RBFOX1: variants seen among roughly 807,000 people sequenced by gnomAD.
RBFOX1 encodes RNA binding protein fox-1 homolog 1.
Under a neutral mutation model 57.7 loss-of-function variants are expected in RBFOX1, and 8 were observed. That is an observed-to-expected ratio of 0.14 (90% CI 0.08 to 0.25). The LOEUF (loss-of-function observed/expected upper bound fraction) is 0.25. RBFOX1 is among the 10% of genes least tolerant of loss of function. RBFOX1 has a pLI of 1.00. For missense variants in RBFOX1, 611 were observed against 548.5 expected (o/e 1.11, Z -1.14); for synonymous variants, 326 against 222.4 (o/e 1.47, Z -4.15).
At chr16:5,558,223 G>A (rs1262942586) in intron 2 of RBFOX1, among the ~76,000 whole-genome samples, 5 of 152,172 alleles carry the variant, frequency 3.3e-5, no homozygotes, top group East Asian at 1.9e-4. Flanking sequence ...TGATAAGGCC[G>A]AGGGTCTGTT....
chr16:6,570,394 T>G (rs7186724), intron 2 of RBFOX1, among the ~76,000 whole-genome samples: 9 of 152,102 alleles, frequency 5.9e-5, no homozygotes, highest in Admixed American at 5.2e-4. Context: ...GAATTTTTTA[T>G]ATGAAAGATA....
At chr16:7,338,765 G>T (rs1299885180) in intron 4 of RBFOX1, among the ~76,000 whole-genome samples, 6 of 152,174 alleles carry the variant, frequency 3.9e-5, no homozygotes, top group Non-Finnish European at 1.5e-5. Flanking sequence ...CTTATAGAAA[G>T]ATAAAGAAAT....
intron 3 of RBFOX1, among the ~76,000 whole-genome samples, chr16:6,831,887 A>G (rs2092734035): frequency 6.6e-6 from 1 of 152,206 alleles, no homozygotes; most frequent in Admixed American, 6.5e-5. Context: ...AGAAGTAGGA[A>G]AAGCAATGTC....
At chr16:6,769,387 A>C (rs1202307889) in intron 3 of RBFOX1, among the ~76,000 whole-genome samples, 1 of 152,206 alleles carries the variant, frequency 6.6e-6, no homozygotes, top group African/African-American at 2.4e-5. Context: ...CTTTATCAGC[A>C]GCATGAAAAC....
intron 3 of RBFOX1, among the ~76,000 whole-genome samples, chr16:6,794,115 G>A (rs1197470306): frequency 6.6e-6 from 1 of 152,084 alleles, no homozygotes. Context: ...AGCATGGGAT[G>A]AGGTGTACTG....
chr16:5,780,678 C>G (rs1418625277), intron 3 of RBFOX1, among the ~76,000 whole-genome samples: 2 of 152,136 alleles, frequency 1.3e-5, no homozygotes, highest in African/African-American at 2.4e-5. Context: ...ATCCCATTCT[C>G]CAGTCTGACA....
At chr16:6,659,443 C>T (rs191575495) in intron 3 of RBFOX1, among the ~76,000 whole-genome samples, 1 of 152,072 alleles carries the variant, frequency 6.6e-6, no homozygotes, top group African/African-American at 2.4e-5. Context: ...CTGAACTCAT[C>T]TTTTTACAAT....
intron 3 of RBFOX1, among the ~76,000 whole-genome samples, chr16:6,870,718 A>G (rs1270061296): frequency 6.6e-6 from 1 of 152,198 alleles, no homozygotes; most frequent in East Asian, 1.9e-4. Flanking sequence ...AGTAATGTTG[A>G]ATAATTATTT....
intron 3 of RBFOX1, among the ~76,000 whole-genome samples, chr16:6,961,819 A>G (rs1027374859): frequency 1.1e-4 from 16 of 152,108 alleles, no homozygotes; most frequent in African/African-American, 2.2e-4. Context: ...ATTAATGTAT[A>G]ATGAGCAGTG....
At chr16:5,439,596 C>T (rs747820143) in intron 1 of RBFOX1, among the ~76,000 whole-genome samples, 7 of 151,960 alleles carry the variant, frequency 4.6e-5, no homozygotes, top group Non-Finnish European at 1.0e-4. Context: ...GAAAGGACGT[C>T]TCTGAGATTT....
chr16:5,532,478 G>A (rs1459689886), intron 2 of RBFOX1, among the ~76,000 whole-genome samples: 2 of 152,206 alleles, frequency 1.3e-5, no homozygotes. Context: ...ACCCCCTGGT[G>A]AGTCAGATGC....
At chr16:7,159,500 C>A (rs987054733) in intron 4 of RBFOX1, among the ~76,000 whole-genome samples, 1 of 152,190 alleles carries the variant, frequency 6.6e-6, no homozygotes, top group Non-Finnish European at 1.5e-5. Flanking sequence ...TAGTGATAGG[C>A]TGGAAATCAC....
intron 3 of RBFOX1, among the ~76,000 whole-genome samples, chr16:6,937,162 A>AT (rs34050400): frequency 6.6e-5 from 10 of 152,168 alleles, no homozygotes; most frequent in Non-Finnish European, 1.2e-4. Context: ...CAAAAATGAT[A>AT]TTTTTTTCCA....
intron 4 of RBFOX1, among the ~76,000 whole-genome samples, chr16:7,276,201 G>A (rs773172038): frequency 7.2e-5 from 11 of 152,200 alleles, no homozygotes; most frequent in Non-Finnish European, 1.3e-4. Context: ...AAGCTGCAGA[G>A]TGAAGCAGTA....
chr16:7,126,470 G>A (rs529260571), intron 4 of RBFOX1: 16 of 228,824 alleles, frequency 7.0e-5, no homozygotes, highest in South Asian at 2.1e-4. Context: ...CATCGAAGAC[G>A]CTTGCTTCAG....
chr16:6,011,153 G>A (rs2094958893), intron 4 of RBFOX1, among the ~76,000 whole-genome samples: 2 of 152,234 alleles, frequency 1.3e-5, no homozygotes, highest in South Asian at 4.2e-4. Context: ...GCTAATAGAG[G>A]GAACATTTTC....
At chr16:7,187,613 C>T (rs896665501) in intron 4 of RBFOX1, among the ~76,000 whole-genome samples, 1 of 132,848 alleles carries the variant, frequency 7.5e-6, no homozygotes, top group Non-Finnish European at 1.5e-5. Context: ...GGTGTGAACC[C>T]GGGAGGCAGA....
chr16:5,758,630 C>G (rs777397899), intron 3 of RBFOX1, among the ~76,000 whole-genome samples: 12 of 152,136 alleles, frequency 7.9e-5, no homozygotes, highest in Non-Finnish European at 1.5e-4. Flanking sequence ...AAATTAAGAC[C>G]TCAGAATAGG....
chr16:6,332,039 CG>C (rs1289154763), intron 2 of RBFOX1, among the ~76,000 whole-genome samples: 132 of 152,168 alleles, frequency 8.7e-4, no homozygotes, highest in Non-Finnish European at 1.3e-3. Flanking sequence ...GCTGTCTCAG[CG>C]GTTTGTGTAA....
Sources: allele counts gnomAD v4.1 joint callset (sites outside exome capture counted in the v4.1 genomes callset), GRCh38; gene constraint gnomAD v4.1.1; transcripts MANE v1.5; gene names NCBI Gene and HGNC (gene_info 2026-07-23, HGNC 2026-07-21).